Variants in CDK14 observed in about 807,000 individuals in gnomAD.
CDK14 encodes cyclin-dependent kinase 14.
A neutral mutation model predicts 60.7 loss-of-function variants in CDK14; 34 were observed. The observed-to-expected ratio is 0.56, with a 90% CI of 0.43 to 0.75. The LOEUF (loss-of-function observed/expected upper bound fraction) is 0.75. Among genes scored for constraint, CDK14 ranks in the 30% least tolerant of loss-of-function variants. The pLI, the probability that CDK14 is intolerant of heterozygous loss-of-function variation, is 0.00. For synonymous variants in CDK14, 197 were observed against 203.7 expected (o/e 0.97, Z 0.28); for missense variants, 482 against 564.1 (o/e 0.85, Z 1.47).
chr7:90,652,120 C>G (rs1800658209), intron 2 of CDK14, among the ~76,000 whole-genome samples: 1 of 152,156 alleles, frequency 6.6e-6, no homozygotes, highest in Non-Finnish European at 1.5e-5. Context: ...TACTACTGCT[C>G]TGTCATCTGC....
At chr7:91,093,906 A>G (rs1482575712) in intron 12 of CDK14, among the ~76,000 whole-genome samples, 1 of 152,154 alleles carries the variant, frequency 6.6e-6, no homozygotes, top group Non-Finnish European at 1.5e-5. Context: ...CATTAATGTT[A>G]AGTATATTAA....
intron 5 of CDK14, among the ~76,000 whole-genome samples, chr7:90,798,329 A>C (rs1018193776): frequency 3.1e-4 from 47 of 152,048 alleles, no homozygotes; most frequent in African/African-American, 1.1e-3. Flanking sequence ...CTGGAAGCAA[A>C]AGGCATCATC....
chr7:90,671,693 T>C (rs1294867364), intron 2 of CDK14, among the ~76,000 whole-genome samples: 6 of 152,318 alleles, frequency 3.9e-5, no homozygotes, highest in Non-Finnish European at 8.8e-5. Flanking sequence ...TTAGCTTATA[T>C]ATCACCACTA....
At chr7:90,867,734 C>T (rs780994330) in intron 6 of CDK14, among the ~76,000 whole-genome samples, 3 of 151,920 alleles carry the variant, frequency 2.0e-5, no homozygotes, top group Non-Finnish European at 4.4e-5. Flanking sequence ...AGAGAGCTAC[C>T]GCACACCATA....
At chr7:90,784,546 T>G (rs1805486848) in intron 4 of CDK14, among the ~76,000 whole-genome samples, 1 of 152,252 alleles carries the variant, frequency 6.6e-6, no homozygotes, top group African/African-American at 2.4e-5. Flanking sequence ...ACAACTATTA[T>G]GTATCCATAA....
intron 2 of CDK14, among the ~76,000 whole-genome samples, chr7:90,620,970 T>G (rs1273325563): frequency 6.6e-6 from 1 of 152,238 alleles, no homozygotes; most frequent in African/African-American, 2.4e-5. Flanking sequence ...AGAAAAGGAA[T>G]GTCCACTGGT....
intron 2 of CDK14, among the ~76,000 whole-genome samples, chr7:90,611,818 G>T (rs895719738): frequency 7.4e-5 from 11 of 148,594 alleles, no homozygotes; most frequent in African/African-American, 2.7e-4. Flanking sequence ...TTATCAAACA[G>T]TTATCTTTGT....
chr7:90,623,284 G>A (rs1799811465), intron 2 of CDK14, among the ~76,000 whole-genome samples: 1 of 152,042 alleles, frequency 6.6e-6, no homozygotes, highest in African/African-American at 2.4e-5. Flanking sequence ...GTGCCCTTCT[G>A]GGGGTGTAGG....
At chr7:91,046,601 T>A (rs1005667067) in intron 11 of CDK14, among the ~76,000 whole-genome samples, 2 of 152,162 alleles carry the variant, frequency 1.3e-5, no homozygotes, top group African/African-American at 4.8e-5. Context: ...ATGGTCTGAT[T>A]TTTATAAGAG....
chr7:91,174,179 A>G (rs1801640274), intron 14 of CDK14, among the ~76,000 whole-genome samples: 1 of 151,472 alleles, frequency 6.6e-6, no homozygotes, highest in Non-Finnish European at 1.5e-5. Flanking sequence ...ACTGGGAGGC[A>G]CCCCCCAGCA....
chr7:90,608,471 C>A, intron 2 of CDK14: 2 of 671,258 alleles, frequency 3.0e-6, no homozygotes, highest in Non-Finnish European at 3.7e-6. Flanking sequence ...ATGAATTGTT[C>A]TCATGGGTAA....
chr7:91,075,451 T>A (rs1798272710), intron 11 of CDK14, among the ~76,000 whole-genome samples: 1 of 152,208 alleles, frequency 6.6e-6, no homozygotes, highest in Admixed American at 6.5e-5. Context: ...ATAAACTAGG[T>A]ATTGATGGAA....
chr7:90,629,796 G>T (rs986507753), intron 2 of CDK14, among the ~76,000 whole-genome samples: 2 of 152,160 alleles, frequency 1.3e-5, no homozygotes, highest in Non-Finnish European at 2.9e-5. Flanking sequence ...GGAGGCCGAG[G>T]TGGGTGGATC....
chr7:90,776,882 A>G (rs904464039), intron 4 of CDK14, among the ~76,000 whole-genome samples: 4 of 152,118 alleles, frequency 2.6e-5, no homozygotes, highest in African/African-American at 9.7e-5. Context: ...AAGACGATAA[A>G]TCTATGAACC....
intron 5 of CDK14, among the ~76,000 whole-genome samples, chr7:90,856,619 C>A (rs753050885): frequency 6.6e-6 from 1 of 152,040 alleles, no homozygotes; most frequent in Non-Finnish European, 1.5e-5. Flanking sequence ...GACAGTTAAA[C>A]AAGCAATCCT....
chr7:90,927,149 G>T (rs73407435), intron 8 of CDK14, among the ~76,000 whole-genome samples: 3,356 of 152,122 alleles, frequency 0.022, 118 homozygotes, highest in African/African-American at 0.076. Flanking sequence ...TTAAATAATT[G>T]GCCAGTGGTG....
chr7:90,944,293 G>A lies in CDK14; in HGVS notation c.827-11404G>A, dbSNP rs551586272. ...AAGACAGGTCCATCCCTGTAGGCTGGGATGACACACAAGTGCGATCTGCCA... is the reference window on the plus strand; with the variant it reads ...AAGACAGGTCCATCCCTGTAGGCTGAGATGACACACAAGTGCGATCTGCCA... On this transcript the variant is annotated intron_variant, in intron 8 of 14. Coordinates refer to ENST00000380050, the MANE Select transcript of CDK14 (RefSeq NM_001287135.2). 3.3e-5 allele frequency among the ~76,000 whole-genome samples: 5 copies of A among 152,226 alleles called. No homozygotes were observed. The East Asian group carries it at 9.7e-4, about 29-fold the overall frequency.
chr7:90,663,467 T>G (rs183883271), intron 2 of CDK14, among the ~76,000 whole-genome samples: 4 of 152,170 alleles, frequency 2.6e-5, no homozygotes, highest in African/African-American at 9.7e-5. Context: ...GTTCTTCCCC[T>G]CCTTCAGTGT....
chr7:90,819,425 G>A (rs952211964), intron 5 of CDK14, among the ~76,000 whole-genome samples: 3 of 151,042 alleles, frequency 2.0e-5, no homozygotes, highest in Admixed American at 6.6e-5. Context: ...CAAATGAAAT[G>A]CCTATTTTAG....
Sources: gnomAD v4.1 joint callset for allele counts (sites outside exome capture counted in the v4.1 genomes callset) on GRCh38, gnomAD v4.1.1 for gene constraint, MANE v1.5 for transcripts, NCBI Gene and HGNC (gene_info 2026-07-23, HGNC 2026-07-21) for gene names.